EDIL3: variants seen among roughly 807,000 people sequenced by gnomAD.
EDIL3 encodes EGF-like repeat and discoidin I-like domain-containing protein 3.
A neutral mutation model predicts 67.4 loss-of-function variants in EDIL3; 37 were observed. That is an observed-to-expected ratio of 0.55 (90% CI 0.42 to 0.72). The LOEUF is 0.72. Ranked by LOEUF, EDIL3 falls within the 30% of genes least tolerant of loss-of-function variation. The pLI, the probability that EDIL3 is intolerant of heterozygous loss-of-function variation, is 0.00. For synonymous variants in EDIL3, 195 were observed against 196.3 expected (o/e 0.99, Z 0.05); for missense variants, 527 against 586.3 (o/e 0.90, Z 1.04).
chr5:84,120,830 C>T (rs1013253673), intron 5 of EDIL3, among the ~76,000 whole-genome samples: 1 of 151,846 alleles, frequency 6.6e-6, no homozygotes, highest in African/African-American at 2.4e-5. Context: ...TGACTGCACA[C>T]TCTGAAGCCT....
rs1452299598 is a variant in EDIL3, at chr5:84,132,561, ATT to A, written c.469+4678_469+4679del. Among the ~76,000 whole-genome samples, 7 of 91,410 alleles carry A rather than the reference ATT, an allele frequency of 7.7e-5. No individual in the cohort carries two copies. In the South Asian group the frequency reaches 2.0e-3, roughly 27 times the overall value. The allele number at this position is 91,410 out of a possible 152,430, so 60.0% of individuals were successfully genotyped here. On this transcript the variant is annotated intron_variant, in intron 5 of 10. Coordinates refer to ENST00000296591, the MANE Select transcript of EDIL3 (RefSeq NM_005711.5). ...TTTATATATAATATATATTTTATAT[ATT>A]TTTAATATATAATATATATTTTATA... is the stretch of plus-strand genomic sequence containing the variant.
chr5:84,075,595 C>A (rs1746838660), intron 6 of EDIL3, among the ~76,000 whole-genome samples: 2 of 152,084 alleles, frequency 1.3e-5, no homozygotes, highest in Admixed American at 1.3e-4. Context: ...CCTGCCTTAG[C>A]CTCTCGAATA....
chr5:84,129,020 A>G (rs1747915892), intron 5 of EDIL3, among the ~76,000 whole-genome samples: 1 of 152,158 alleles, frequency 6.6e-6, no homozygotes, highest in Non-Finnish European at 1.5e-5. Context: ...GGTCTATTTG[A>G]ACATTTTGCA....
At chr5:83,977,451 G>A (rs1007729976) in intron 9 of EDIL3, among the ~76,000 whole-genome samples, 1 of 151,652 alleles carries the variant, frequency 6.6e-6, no homozygotes, top group Admixed American at 6.6e-5. Context: ...AGGAAGTCAT[G>A]GTTTAACAAA....
At chr5:84,297,108 G>C (rs929867010) in intron 1 of EDIL3, among the ~76,000 whole-genome samples, 4 of 149,160 alleles carry the variant, frequency 2.7e-5, no homozygotes, top group African/African-American at 4.9e-5. Context: ...TGTGAACCCA[G>C]GAGGCAAAGC....
chr5:84,189,665 A>G (rs1485047932), intron 3 of EDIL3, among the ~76,000 whole-genome samples: 1 of 151,846 alleles, frequency 6.6e-6, no homozygotes, highest in East Asian at 1.9e-4. Flanking sequence ...TCCTTAAACC[A>G]CTACTTGCAT....
intron 1 of EDIL3, among the ~76,000 whole-genome samples, chr5:84,258,367 G>C (rs1745160486): frequency 6.6e-6 from 1 of 152,142 alleles, no homozygotes; most frequent in African/African-American, 2.4e-5. Context: ...GGACAGGATT[G>C]ACCAGGGAGA....
intron 1 of EDIL3, among the ~76,000 whole-genome samples, chr5:84,283,321 G>T (rs1028545873): frequency 1.3e-5 from 2 of 152,062 alleles, no homozygotes; most frequent in Non-Finnish European, 2.9e-5. Context: ...GTTTAGTTAG[G>T]TTCAGAAACT....
chr5:84,357,297 T>C (rs1389640750), intron 1 of EDIL3, among the ~76,000 whole-genome samples: 1 of 152,164 alleles, frequency 6.6e-6, no homozygotes, highest in Admixed American at 6.5e-5. Context: ...TTAATTTGTA[T>C]ACCATTGTAC....
At chr5:84,004,925 T>C (rs1227425596) in intron 9 of EDIL3, among the ~76,000 whole-genome samples, 1 of 151,846 alleles carries the variant, frequency 6.6e-6, no homozygotes, top group Non-Finnish European at 1.5e-5. Flanking sequence ...ATAAATAAGA[T>C]TGATAAAGTG....
At chr5:84,067,777 C>A (rs1746670312) in intron 6 of EDIL3, among the ~76,000 whole-genome samples, 1 of 152,110 alleles carries the variant, frequency 6.6e-6, no homozygotes, top group South Asian at 2.1e-4. Context: ...TCATAAAATC[C>A]TTCCCTCAAC....
At position 84,351,973 on chromosome 5, in the gene EDIL3, A is replaced by G. The variant is rs142101291; in HGVS notation, c.67+32335T>C. 5.4e-3 allele frequency among the ~76,000 whole-genome samples: 822 copies of G among 152,208 alleles called. 2 individuals carry two copies. Among genetic ancestry groups the G allele is most frequent in the Non-Finnish European group, 8.8e-3 (597 of 67,988 alleles). On this transcript the variant is annotated intron_variant, in intron 1 of 10. Transcript: ENST00000296591. ...AAGAAAACCCATTAAAAAGTGGGCA[A>G]AGGACATGAACAGGCATATCTAAAA...
At chr5:84,134,986 T>C (rs1234224992) in intron 5 of EDIL3, among the ~76,000 whole-genome samples, 1 of 152,164 alleles carries the variant, frequency 6.6e-6, no homozygotes, top group East Asian at 1.9e-4. Flanking sequence ...GAAAAACTGG[T>C]TGGAAGACAC....
chr5:84,138,976 A>C (rs1246231754), intron 4 of EDIL3, among the ~76,000 whole-genome samples: 1 of 152,222 alleles, frequency 6.6e-6, no homozygotes, highest in Non-Finnish European at 1.5e-5. Flanking sequence ...GTGGTGGCTC[A>C]CACCTGTCAT....
intron 1 of EDIL3, among the ~76,000 whole-genome samples, chr5:84,332,928 G>A (rs1213159967): frequency 6.6e-6 from 1 of 151,820 alleles, no homozygotes; most frequent in African/African-American, 2.4e-5. Context: ...TTTTGACAGG[G>A]GAAAAATTCC....
chr5:84,276,781 C>T (rs1745590911), intron 1 of EDIL3, among the ~76,000 whole-genome samples: 1 of 151,896 alleles, frequency 6.6e-6, no homozygotes, highest in Non-Finnish European at 1.5e-5. Flanking sequence ...ACCATGTTGG[C>T]CAGGCTGGTC....
At chr5:84,295,632 T>C (rs1746034442) in intron 1 of EDIL3, among the ~76,000 whole-genome samples, 1 of 152,050 alleles carries the variant, frequency 6.6e-6, no homozygotes, top group African/African-American at 2.4e-5. Flanking sequence ...AGTAATAATA[T>C]ATAATATTAA....
intron 4 of EDIL3, among the ~76,000 whole-genome samples, chr5:84,156,224 A>C (rs2112334882): frequency 1.3e-5 from 2 of 152,272 alleles, no homozygotes; most frequent in East Asian, 3.9e-4. Context: ...TGAAGGAGGA[A>C]TAGGGAAGGG....
chr5:84,222,482 T>C (rs1203972142), intron 3 of EDIL3, among the ~76,000 whole-genome samples: 1 of 151,868 alleles, frequency 6.6e-6, no homozygotes, highest in African/African-American at 2.4e-5. Flanking sequence ...GAGTTCATAA[T>C]AAATATTTTA....
Sources: allele counts gnomAD v4.1 joint callset (sites outside exome capture counted in the v4.1 genomes callset), GRCh38; gene constraint gnomAD v4.1.1; transcripts MANE v1.5; gene names NCBI Gene and HGNC (gene_info 2026-07-23, HGNC 2026-07-21).